ARHGAP26: variants seen among roughly 807,000 people sequenced by gnomAD.
ARHGAP26 encodes the protein Rho GTPase activating protein 26.
A neutral mutation model predicts 104.8 loss-of-function variants in ARHGAP26; 38 were observed. That is an observed-to-expected ratio of 0.36 (90% CI 0.28 to 0.48). The LOEUF (loss-of-function observed/expected upper bound fraction) is 0.48, where lower values mean the gene tolerates loss of function less well. Ranked by LOEUF, ARHGAP26 falls within the 20% of genes least tolerant of loss-of-function variation. The probability of loss-of-function intolerance (pLI) is 0.99; values close to 1 mark genes in which losing one functional copy is unlikely to be tolerated. For missense variants in ARHGAP26, 704 were observed against 947.9 expected (o/e 0.74, Z 3.38); for synonymous variants, 341 against 340.0 (o/e 1.00, Z -0.03).
At chr5:142,941,361 A>G (rs1483649213) in intron 11 of ARHGAP26, among the ~76,000 whole-genome samples, 6 of 152,134 alleles carry the variant, frequency 3.9e-5, no homozygotes, top group Non-Finnish European at 8.8e-5. Flanking sequence ...TCCAGTGATC[A>G]GTGATATTGT....
At chr5:143,005,416 G>C (rs1447782076) in intron 11 of ARHGAP26, among the ~76,000 whole-genome samples, 1 of 152,222 alleles carries the variant, frequency 6.6e-6, no homozygotes, top group Non-Finnish European at 1.5e-5. Context: ...GCTGAGTTTG[G>C]CTTGGGCCAA....
chr5:142,856,506 T>A (rs780209214), intron 1 of ARHGAP26, among the ~76,000 whole-genome samples: 4 of 152,188 alleles, frequency 2.6e-5, no homozygotes, highest in African/African-American at 4.8e-5. Context: ...AATATGACTT[T>A]AAGGCCCAGG....
At chr5:143,039,773 A>G (rs1783174467) in intron 13 of ARHGAP26, among the ~76,000 whole-genome samples, 1 of 152,204 alleles carries the variant, frequency 6.6e-6, no homozygotes, top group African/African-American at 2.4e-5. Flanking sequence ...CTGGTAGCTC[A>G]GGAGGACAAC....
intron 10 of ARHGAP26, among the ~76,000 whole-genome samples, chr5:142,922,927 G>T (rs1036796128): frequency 6.6e-6 from 1 of 152,174 alleles, no homozygotes; most frequent in Non-Finnish European, 1.5e-5. Context: ...AGGAAATGGA[G>T]TTTTCCTTCC....
intron 20 of ARHGAP26, among the ~76,000 whole-genome samples, chr5:143,163,086 G>T (rs1473259242): frequency 2.0e-5 from 3 of 152,116 alleles, no homozygotes; most frequent in Non-Finnish European, 2.9e-5. Context: ...CTGCACTCCA[G>T]CCTGGGTGAC....
chr5:143,192,461 C>T (rs13188339), intron 20 of ARHGAP26: 34,413 of 152,246 alleles, frequency 0.23, 4,902 homozygotes, highest in African/African-American at 0.4. Flanking sequence ...TGCCTGCTTG[C>T]TCTATGGCTT....
intron 11 of ARHGAP26, among the ~76,000 whole-genome samples, chr5:142,964,885 A>T (rs1771034342): frequency 6.6e-6 from 1 of 152,124 alleles, no homozygotes; most frequent in African/African-American, 2.4e-5. Context: ...GGCCCGGGGG[A>T]CCACTACCAC....
chr5:143,108,708 T>A (rs1286656650), intron 17 of ARHGAP26, among the ~76,000 whole-genome samples: 1 of 152,218 alleles, frequency 6.6e-6, no homozygotes, highest in African/African-American at 2.4e-5. Flanking sequence ...CAAAAGGAGA[T>A]AGGTTACCTA....
chr5:143,132,090 T>C (rs1481782615), intron 18 of ARHGAP26, among the ~76,000 whole-genome samples: 1 of 152,062 alleles, frequency 6.6e-6, no homozygotes, highest in Non-Finnish European at 1.5e-5. Flanking sequence ...CGTGTAGTGA[T>C]TCAGTTTATC....
At position 143,106,066 on chromosome 5, in the gene ARHGAP26, G is replaced by A. The variant is rs145491792; in HGVS notation, c.1539-14922G>A. Among the ~76,000 whole-genome samples, 720 of 152,184 alleles carry A rather than the reference G, an allele frequency of 4.7e-3. 7 individuals are homozygous for A. The highest frequency in any genetic ancestry group is 0.016 in the African/African-American group (669 of 41,514). ...ACCAAGCCCAAAGGGTCTTTTTAAA[G>A]GGTGACTTTTTCTTTTGTTGTTTGT... On this transcript the variant is annotated intron_variant, in intron 17 of 22. Transcript: ENST00000645722.
chr5:143,072,932 G>C (rs1338572727), intron 17 of ARHGAP26, among the ~76,000 whole-genome samples: 2 of 152,130 alleles, frequency 1.3e-5, no homozygotes, highest in Non-Finnish European at 2.9e-5. Flanking sequence ...TGTTTGAGGT[G>C]ATGCATTTGC....
intron 11 of ARHGAP26, among the ~76,000 whole-genome samples, chr5:143,011,538 A>G (rs1778754505): frequency 6.6e-6 from 1 of 152,148 alleles, no homozygotes; most frequent in East Asian, 1.9e-4. Context: ...TGCAAGCAAC[A>G]TGGGAAATTA....
intron 18 of ARHGAP26, among the ~76,000 whole-genome samples, chr5:143,129,879 A>G (rs982700757): frequency 6.6e-6 from 1 of 152,226 alleles, no homozygotes; most frequent in Non-Finnish European, 1.5e-5. Context: ...CCTTGCTTGC[A>G]CAAGGGAAAC....
chr5:143,091,523 A>G (rs891663037), intron 17 of ARHGAP26, among the ~76,000 whole-genome samples: 1 of 152,218 alleles, frequency 6.6e-6, no homozygotes, highest in African/African-American at 2.4e-5. Flanking sequence ...ATTAGTTTCT[A>G]GACCAAAGAA....
At chr5:142,798,907 C>T (rs1269221163) in intron 1 of ARHGAP26, among the ~76,000 whole-genome samples, 1 of 152,152 alleles carries the variant, frequency 6.6e-6, no homozygotes, top group African/African-American at 2.4e-5. Flanking sequence ...AGCATGGAGC[C>T]CCTTCATCCA....
chr5:142,808,250 A>G (rs1416274897), intron 1 of ARHGAP26, among the ~76,000 whole-genome samples: 1 of 137,462 alleles, frequency 7.3e-6, no homozygotes, highest in African/African-American at 3.2e-5. Flanking sequence ...AAAAAAAAAA[A>G]AAAAAAAAAA....
chr5:142,795,351 C>T (rs969932026), intron 1 of ARHGAP26, among the ~76,000 whole-genome samples: 3 of 150,866 alleles, frequency 2.0e-5, no homozygotes, highest in African/African-American at 7.3e-5. Flanking sequence ...ATTGTTGACT[C>T]TTTACCACCG....
At chr5:142,784,321 T>C (rs924786377) in intron 1 of ARHGAP26, among the ~76,000 whole-genome samples, 7 of 152,220 alleles carry the variant, frequency 4.6e-5, no homozygotes, top group Non-Finnish European at 8.8e-5. Flanking sequence ...AACTTTGGCT[T>C]GCTTCTCATC....
At chr5:142,790,621 C>T (rs1303037192) in intron 1 of ARHGAP26, among the ~76,000 whole-genome samples, 2 of 152,192 alleles carry the variant, frequency 1.3e-5, no homozygotes, top group East Asian at 1.9e-4. Flanking sequence ...TATGATCAGG[C>T]GTCTGCCTAC....
Sources: gnomAD v4.1 joint callset for allele counts (sites outside exome capture counted in the v4.1 genomes callset) on GRCh38, gnomAD v4.1.1 for gene constraint, MANE v1.5 for transcripts, NCBI Gene and HGNC (gene_info 2026-07-23, HGNC 2026-07-21) for gene names.